Variants in GNA12 observed in about 807,000 individuals in gnomAD.
GNA12 encodes G protein subunit alpha 12.
GNA12 carries 9 observed loss-of-function variants against 26.0 expected under a neutral mutation model. That is an observed-to-expected ratio of 0.35 (90% CI 0.21 to 0.60). GNA12 has a LOEUF of 0.60. Ranked by LOEUF, GNA12 falls within the 20% of genes least tolerant of loss-of-function variation. GNA12 has a pLI of 0.78. For synonymous variants in GNA12, 264 were observed against 219.6 expected (o/e 1.20, Z -1.79); for missense variants, 405 against 525.8 (o/e 0.77, Z 2.25).
At chr7:2,790,540 AAAG>A (rs1792490672) in intron 2 of GNA12, among the ~76,000 whole-genome samples, 1 of 152,254 alleles carries the variant, frequency 6.6e-6, no homozygotes, top group African/African-American at 2.4e-5. Flanking sequence ...GGACTCACTG[AAAG>A]AATACCCTTC....
chr7:2,835,707 T>A, intron 1 of GNA12: 1 of 1,017,254 alleles, frequency 9.8e-7, no homozygotes, highest in Non-Finnish European at 1.5e-6. Context: ...TTGCATGGAA[T>A]ACAAGTAGAA....
At chr7:2,771,302 A>C (rs560113076) in intron 2 of GNA12, among the ~76,000 whole-genome samples, 148 of 152,162 alleles carry the variant, frequency 9.7e-4, no homozygotes, top group African/African-American at 3.3e-3. Context: ...CTCAAAAAAA[A>C]CCAAAAAACC....
chr7:2,746,091 G>A (rs1303650473), intron 2 of GNA12, among the ~76,000 whole-genome samples: 1 of 152,110 alleles, frequency 6.6e-6, no homozygotes, highest in Non-Finnish European at 1.5e-5. Flanking sequence ...ACACCCCACT[G>A]TCAACATTAG....
At chr7:2,764,943 G>C (rs1317940294) in intron 2 of GNA12, 1 of 152,226 alleles carries the variant, frequency 6.6e-6, no homozygotes, top group Non-Finnish European at 1.5e-5. Flanking sequence ...CGTTGAGGTA[G>C]GTCAACTGCA....
At chr7:2,798,546 C>T (rs372932765) in intron 1 of GNA12, among the ~76,000 whole-genome samples, 21 of 152,292 alleles carry the variant, frequency 1.4e-4, no homozygotes, top group East Asian at 1.9e-4. Flanking sequence ...AGATATACCA[C>T]GGTCACGAAT....
intron 2 of GNA12, chr7:2,763,080 C>T: frequency 2.4e-6 from 3 of 1,249,742 alleles, no homozygotes; most frequent in Non-Finnish European, 3.0e-6. Context: ...CCCTACCAGC[C>T]TTGAGTGAGA....
At chr7:2,743,991 G>A (rs556316743) in intron 2 of GNA12, among the ~76,000 whole-genome samples, 3 of 152,310 alleles carry the variant, frequency 2.0e-5, no homozygotes, top group East Asian at 3.9e-4. Flanking sequence ...CACCATTGCC[G>A]AGACTTGATT....
intron 2 of GNA12, among the ~76,000 whole-genome samples, chr7:2,744,642 A>C (rs1302333625): frequency 6.6e-6 from 1 of 152,228 alleles, no homozygotes; most frequent in Non-Finnish European, 1.5e-5. Context: ...GCAGCTCCTC[A>C]CCAGCAACGG....
chr7:2,744,153 G>A (rs1410928078), intron 2 of GNA12, among the ~76,000 whole-genome samples: 1 of 152,240 alleles, frequency 6.6e-6, no homozygotes, highest in South Asian at 2.1e-4. Flanking sequence ...GTCCCCGTCT[G>A]ACAGCTTTGA....
intron 2 of GNA12, among the ~76,000 whole-genome samples, chr7:2,757,128 C>CTTTTTTTTTTTTTTT: frequency 8.7e-6 from 1 of 115,136 alleles, no homozygotes; most frequent in Non-Finnish European, 1.8e-5. Flanking sequence ...ATCAGGTGGG[C>CTTTTTTTTTTTTTTT]CTTTTTTTTT....
chr7:2,815,075 G>A, intron 1 of GNA12: 1 of 1,364,776 alleles, frequency 7.3e-7, no homozygotes, highest in Non-Finnish European at 9.8e-7. Context: ...AGGCTCCGAG[G>A]ACACAACAGA....
chr7:2,742,628 G>A (rs1458219816), intron 2 of GNA12, among the ~76,000 whole-genome samples: 1 of 152,172 alleles, frequency 6.6e-6, no homozygotes, highest in African/African-American at 2.4e-5. Context: ...TAGTTCTAAA[G>A]TCAGCTGTCA....
At chr7:2,796,274 C>T (rs1792670986) in intron 1 of GNA12, among the ~76,000 whole-genome samples, 1 of 152,162 alleles carries the variant, frequency 6.6e-6, no homozygotes, top group Admixed American at 6.5e-5. Flanking sequence ...GAATTAGGCA[C>T]AGTAAGAGAT....
At chr7:2,814,308 T>A in intron 1 of GNA12, 3 of 1,501,994 alleles carry the variant, frequency 2.0e-6, no homozygotes, top group Non-Finnish European at 2.8e-6. Context: ...GGAGTGAGAC[T>A]CACCCTGGAC....
chr7:2,762,737 TCCCGCA>T, intron 2 of GNA12: 1 of 1,555,360 alleles, frequency 6.4e-7, no homozygotes, highest in Non-Finnish European at 8.7e-7. Context: ...ATGTCCTCCC[TCCCGCA>T]GGAAGTGCAC....
At chr7:2,774,256 C>CATGTATATGCATATAT (rs1425168243) in intron 2 of GNA12, among the ~76,000 whole-genome samples, 2 of 152,094 alleles carry the variant, frequency 1.3e-5, no homozygotes, top group Admixed American at 1.3e-4. Context: ...TGCATATATA[C>CATGTATATGCATATAT]ACACATGCAT....
At chr7:2,775,059 C>G (rs533823459) in intron 2 of GNA12, among the ~76,000 whole-genome samples, 68 of 152,292 alleles carry the variant, frequency 4.5e-4, no homozygotes, top group Non-Finnish European at 7.4e-4. Context: ...GAGTTACTTC[C>G]CCTCTACTGA....
At chr7:2,732,144 A>G (rs1789928789) in intron 3 of GNA12, among the ~76,000 whole-genome samples, 1 of 152,226 alleles carries the variant, frequency 6.6e-6, no homozygotes, top group Admixed American at 6.5e-5. Flanking sequence ...TTAGGTTTTG[A>G]ATGTGATGTA....
At chr7:2,764,244 CTTTTTT>C (rs35992308) in intron 2 of GNA12, among the ~76,000 whole-genome samples, 1 of 139,296 alleles carries the variant, frequency 7.2e-6, no homozygotes, top group African/African-American at 2.7e-5. Context: ...CAGCTAATTT[CTTTTTT>C]TTTTTTTTTT....
Sources: gnomAD v4.1 joint callset for allele counts (sites outside exome capture counted in the v4.1 genomes callset) on GRCh38, gnomAD v4.1.1 for gene constraint, MANE v1.5 for transcripts, NCBI Gene and HGNC (gene_info 2026-07-23, HGNC 2026-07-21) for gene names.